Variants in PREX1 observed in about 807,000 individuals in gnomAD.
PREX1 encodes the protein phosphatidylinositol 3,4,5-trisphosphate-dependent Rac exchanger 1 protein.
PREX1 carries 41 observed loss-of-function variants against 198.3 expected under a neutral mutation model. That is an observed-to-expected ratio of 0.21 (90% confidence interval 0.16 to 0.27). The LOEUF (loss-of-function observed/expected upper bound fraction) is 0.27, where lower values mean the gene tolerates loss of function less well. PREX1 is among the 10% of genes least tolerant of loss of function. The probability of loss-of-function intolerance (pLI) is 1.00; values close to 1 mark genes in which losing one functional copy is unlikely to be tolerated. For missense variants in PREX1, 1,620 were observed against 2,200.7 expected (o/e 0.74, Z 5.28); for synonymous variants, 843 against 887.2 (o/e 0.95, Z 0.89).
In PREX1 at chr20:48,651,719, C is replaced by A. The variant is rs907633437; in HGVS notation, c.2468-136G>T. ...GGCCCCAGGGCAGGAGTACATTCCG[C>A]CAGAGTAGAGAGGCGAGTGGGGAAG... On this transcript the variant is annotated intron_variant, in intron 21 of 39. Coordinates refer to ENST00000371941, the MANE Select transcript of PREX1 (RefSeq NM_020820.4). 3 of 809,152 alleles carry A rather than the reference C, an allele frequency of 3.7e-6. No homozygotes were observed. In the African/African-American group the frequency reaches 5.2e-5, roughly 14 times the overall value. 50.1% of individuals were successfully genotyped at this position (809,152 alleles called of 1,614,324 possible).
At chr20:48,732,027 G>A (rs2122718476) in intron 4 of PREX1, among the ~76,000 whole-genome samples, 1 of 152,344 alleles carries the variant, frequency 6.6e-6, no homozygotes, top group Non-Finnish European at 1.5e-5. Flanking sequence ...ACAGGGTGGT[G>A]CTGCCTGCAA....
chr20:48,839,847 T>C, the PREX1 span, among the ~76,000 whole-genome samples: 1 of 152,196 alleles, frequency 6.6e-6, no homozygotes, highest in Non-Finnish European at 1.5e-5. Flanking sequence ...GAAGCCGCGG[T>C]TGAAGGTGGC....
At chr20:48,713,183 G>A (rs1302641562) in intron 5 of PREX1, among the ~76,000 whole-genome samples, 5 of 152,008 alleles carry the variant, frequency 3.3e-5, no homozygotes, top group Non-Finnish European at 4.4e-5. Context: ...CAGGCATGGT[G>A]GCTCACGCCT....
chr20:48,865,167 G>A, the PREX1 span, among the ~76,000 whole-genome samples: 1 of 152,160 alleles, frequency 6.6e-6, no homozygotes, highest in Non-Finnish European at 1.5e-5. Flanking sequence ...CCTGGGGAGT[G>A]GAAGGTGCCA....
At position 48,650,115 on chromosome 20, in the gene PREX1, G is replaced by A; in HGVS notation, c.2909C>T (p.Thr970Ile). The change falls in exon 24 of 40, where the codon ACC becomes ATC. Residue 970 changes from threonine to isoleucine, a missense_variant. By Grantham distance (89) the Thr-to-Ile change is moderately conservative (BLOSUM62 -1). Coordinates refer to ENST00000371941, the MANE Select transcript of PREX1 (RefSeq NM_020820.4). The part of the protein sequence containing the change: ...HPLCGLDFCP[T>I]NCHINLMEVS... ...TTCCATGAGGTTGATGTGGCAATTG[G>A]TGGGGCAGAAGTCCAGGCCACACAG... 1.2e-6 allele frequency: 2 copies of A among 1,614,094 alleles called. No homozygotes were observed. Among genetic ancestry groups the A allele is most frequent in the Non-Finnish European group, 1.7e-6 (2 of 1,179,922 alleles).
At chr20:48,637,090 T>A (rs531633379) in intron 31 of PREX1, among the ~76,000 whole-genome samples, 15 of 152,374 alleles carry the variant, frequency 9.8e-5, no homozygotes, top group African/African-American at 3.1e-4. Flanking sequence ...GAAATGCAGT[T>A]TAGCATTTTC....
chr20:48,634,187 G>A (rs2089342780), intron 33 of PREX1, among the ~76,000 whole-genome samples: 2 of 145,780 alleles, frequency 1.4e-5, no homozygotes, highest in Admixed American at 6.9e-5. Context: ...TGGATGGATG[G>A]ATGGATGGAT....
intron 10 of PREX1, among the ~76,000 whole-genome samples, chr20:48,686,059 G>A (rs2089782264): frequency 6.6e-6 from 1 of 152,202 alleles, no homozygotes; most frequent in South Asian, 2.1e-4. Flanking sequence ...GTGTCGCTTT[G>A]TGATCTTGTA....
In PREX1 at chr20:48,827,748, G is replaced by A. The variant is rs559595542; in HGVS notation, c.113C>T (p.Ala38Val). 3 of 1,292,992 alleles carry A rather than the reference G, an allele frequency of 2.3e-6. No homozygotes were observed. The highest frequency in any genetic ancestry group is 6.6e-5 in the East Asian group (2 of 30,486). 80.1% of individuals were successfully genotyped at this position (1,292,992 alleles called of 1,614,324 possible). ...CTGGCGCTCGGACTCCCGGGCGGCC[G>A]CGCACGGGCCGGGGCCGGAGCTGGG... ...AAPSSGPGPC[A>V]AARESERQLR... The change falls in exon 1 of 40, where the codon GCG (alanine) becomes GTG (valine). Residue 38 changes from alanine to valine, a missense_variant. Coordinates refer to ENST00000371941, the MANE Select transcript of PREX1 (RefSeq NM_020820.4). This position sits in a 1 kb window ranked among gnomAD's most constrained non-coding sequence, Gnocchi z 4.1.
In PREX1 at chr20:48,827,685, C is replaced by A; in HGVS notation, c.176G>T (p.Gly59Val). 1 of 1,378,190 alleles carries A rather than the reference C, an allele frequency of 7.3e-7. No homozygotes were observed. Among genetic ancestry groups the A allele is most frequent in the Non-Finnish European group, 9.5e-7 (1 of 1,054,134 alleles). 85.4% of individuals were successfully genotyped at this position (1,378,190 alleles called of 1,614,324 possible). ...GGTGCCCACGTAGTCCCTCTCGGTG[C>A]CCAAGATCTCGTTGAGGACGCAGAG... is the stretch of plus-strand genomic sequence containing the variant. ...LRLCVLNEIL[G>V]TERDYVGTLR... The change falls in exon 1 of 40, where the codon GGC (glycine) becomes GTC (valine). Residue 59 changes from glycine (G) to valine (V), a missense_variant. Physicochemically the swap from Gly to Val is moderately radical, Grantham distance 109. Transcript: ENST00000371941. The surrounding 1 kb of genome is among the most constrained non-coding windows in gnomAD (Gnocchi z 4.1).
At chr20:48,750,627 A>T (rs1253012144) in intron 1 of PREX1, among the ~76,000 whole-genome samples, 4 of 152,190 alleles carry the variant, frequency 2.6e-5, no homozygotes, top group African/African-American at 7.2e-5. Context: ...TGCCCTGAGC[A>T]GCCTCCTCAT....
intron 1 of PREX1, among the ~76,000 whole-genome samples, chr20:48,768,190 G>A (rs973858368): frequency 8.5e-5 from 13 of 152,136 alleles, no homozygotes; most frequent in African/African-American, 2.9e-4. Context: ...TTCTTTTGAG[G>A]ATTCAAGGAA....
At chr20:48,879,389 T>G in the PREX1 span, among the ~76,000 whole-genome samples, 1 of 152,094 alleles carries the variant, frequency 6.6e-6, no homozygotes, top group African/African-American at 2.4e-5. Flanking sequence ...ACTGGTTATT[T>G]AAATACTGAA....
intron 1 of PREX1, among the ~76,000 whole-genome samples, chr20:48,767,778 G>A (rs996829184): frequency 2.6e-5 from 4 of 151,824 alleles, no homozygotes; most frequent in Non-Finnish European, 5.9e-5. Flanking sequence ...GACTTTGCAC[G>A]TGCTGTTCCC....
At chr20:48,759,563 A>AAG (rs1259458699) in intron 1 of PREX1, among the ~76,000 whole-genome samples, 5 of 151,444 alleles carry the variant, frequency 3.3e-5, no homozygotes, top group South Asian at 2.1e-4. Context: ...AAAAAAAAAA[A>AAG]AAAAAGAAAA....
At chr20:48,659,343 G>A (rs1055418289) in intron 16 of PREX1, among the ~76,000 whole-genome samples, 2 of 150,648 alleles carry the variant, frequency 1.3e-5, no homozygotes, top group East Asian at 2.0e-4. Flanking sequence ...AAGGAGGAAG[G>A]GAGGGAAAGA....
At chr20:48,823,439 A>G (rs1416931270) in intron 1 of PREX1, among the ~76,000 whole-genome samples, 2 of 152,294 alleles carry the variant, frequency 1.3e-5, no homozygotes, top group African/African-American at 2.4e-5. Context: ...CAGGTGCTAC[A>G]CTGTGCCCGT....
In PREX1 at chr20:48,781,917, C is replaced by A. The variant is rs183408056; in HGVS notation, c.220-34037G>T. Among the ~76,000 whole-genome samples, 55 of 152,254 alleles carry A rather than the reference C, an allele frequency of 3.6e-4. No homozygotes were observed. The East Asian group carries it at 4.4e-3, about 12-fold the overall frequency. On this transcript the variant is annotated intron_variant, in intron 1 of 39. Coordinates refer to ENST00000371941, the MANE Select transcript of PREX1 (RefSeq NM_020820.4). ...TGAACCTTGGGGGACACATTCAAAC[C>A]ACAGCAACATGTTACAATTGAGGAA...
chr20:48,793,856 C>T (rs565029512), intron 1 of PREX1, among the ~76,000 whole-genome samples: 58 of 152,318 alleles, frequency 3.8e-4, no homozygotes, highest in South Asian at 1.0e-3. Flanking sequence ...TCACAGTGGT[C>T]CACTCCCAGG....
Sources: gnomAD v4.1 joint callset for allele counts (sites outside exome capture counted in the v4.1 genomes callset) on GRCh38, gnomAD v4.1.1 for gene constraint, Gnocchi (gnomAD v3.1) non-coding constraint, MANE v1.5 for transcripts, NCBI Gene and HGNC (gene_info 2026-07-23, HGNC 2026-07-21) for gene names.